Variants in MGST2 observed in about 807,000 individuals in gnomAD.
MGST2 encodes microsomal glutathione S-transferase 2.
In MGST2, 9 loss-of-function variants were observed where a neutral mutation model predicts 16.6. The observed-to-expected ratio is 0.54, with a 90% CI of 0.33 to 0.95. The LOEUF is 0.95. Among genes scored for constraint, MGST2 ranks in the 40% least tolerant of loss-of-function variants. The pLI, the probability that MGST2 is intolerant of heterozygous loss-of-function variation, is 0.03. For missense variants in MGST2, 159 were observed against 175.1 expected (o/e 0.91, Z 0.52); for synonymous variants, 79 against 68.0 (o/e 1.16, Z -0.79).
At chr4:139,699,000 A>G (rs1360104741) in intron 3 of MGST2, among the ~76,000 whole-genome samples, 1 of 152,184 alleles carries the variant, frequency 6.6e-6, no homozygotes, top group Non-Finnish European at 1.5e-5. Flanking sequence ...ACTAGTAGCA[A>G]TCTGTATGGG....
At chr4:139,678,900 G>T (rs369733481) in intron 2 of MGST2, 1 of 548,574 alleles carries the variant, frequency 1.8e-6, no homozygotes, top group Non-Finnish European at 3.3e-6. Flanking sequence ...AGGGACTGCT[G>T]TGTCTCCCAA....
intron 2 of MGST2, among the ~76,000 whole-genome samples, chr4:139,683,745 C>G (rs1400698115): frequency 3.3e-5 from 5 of 151,876 alleles, no homozygotes; most frequent in Admixed American, 2.6e-4. Context: ...AAGACATACC[C>G]GAGACTGAGC....
At chr4:139,700,457 C>G (rs952767865) in intron 3 of MGST2, among the ~76,000 whole-genome samples, 1 of 152,136 alleles carries the variant, frequency 6.6e-6, no homozygotes, top group Non-Finnish European at 1.5e-5. Flanking sequence ...AAGTTTTATG[C>G]ATACATTGTC....
chr4:139,723,236 T>C (rs1231633156), intron 5 of MGST2, among the ~76,000 whole-genome samples: 9 of 152,244 alleles, frequency 5.9e-5, no homozygotes, highest in Non-Finnish European at 1.3e-4. Context: ...TCTATTTATA[T>C]AGAAACAAAA....
At chr4:139,749,078 A>T in the MGST2 span, among the ~76,000 whole-genome samples, 1 of 152,240 alleles carries the variant, frequency 6.6e-6, no homozygotes, top group South Asian at 2.1e-4. Flanking sequence ...AACAGAGCTC[A>T]AATGGAAAAA....
chr4:139,730,688 G>T (rs780201911), intron 5 of MGST2: 1 of 1,599,156 alleles, frequency 6.3e-7, no homozygotes, highest in Non-Finnish European at 8.5e-7. Context: ...AAGAGAGAGG[G>T]AGATGCAGGG....
intron 3 of MGST2, chr4:139,698,495 T>A: frequency 2.5e-6 from 3 of 1,184,528 alleles, no homozygotes; most frequent in Non-Finnish European, 2.5e-6. Flanking sequence ...TTGTAGCCAG[T>A]TGCTTCCTGG....
intron 3 of MGST2, among the ~76,000 whole-genome samples, chr4:139,702,546 ACT>A (rs1727305844): frequency 6.6e-6 from 1 of 151,750 alleles, no homozygotes; most frequent in Non-Finnish European, 1.5e-5. Context: ...AATTGAATAG[ACT>A]CTATCACAGC....
intron 1 of MGST2, among the ~76,000 whole-genome samples, chr4:139,672,517 C>G (rs1278431822): frequency 6.6e-6 from 1 of 152,026 alleles, no homozygotes; most frequent in East Asian, 1.9e-4. Context: ...TCCTTCTCCT[C>G]ACTCTGCTCT....
downstream of MGST2, among the ~76,000 whole-genome samples, chr4:139,707,676 T>C (rs1478703712): frequency 1.3e-5 from 2 of 150,208 alleles, no homozygotes; most frequent in East Asian, 3.9e-4. Context: ...CCACCAACAG[T>C]GTAAAAGTGT....
chr4:139,716,934 T>G (rs1440804207), intron 5 of MGST2: 1 of 152,594 alleles, frequency 6.6e-6, no homozygotes, highest in East Asian at 1.9e-4. Context: ...TTGCCAGAGG[T>G]CATACAGTAC....
intron 5 of MGST2, chr4:139,719,065 C>G (rs746170794): frequency 9.2e-5 from 42 of 454,298 alleles, no homozygotes; most frequent in Middle Eastern, 5.8e-4. Flanking sequence ...ATCTTCCCAC[C>G]TGCTCCTCCG....
At chr4:139,700,019 G>A (rs985676455) in intron 3 of MGST2, among the ~76,000 whole-genome samples, 3 of 151,788 alleles carry the variant, frequency 2.0e-5, no homozygotes, top group African/African-American at 7.3e-5. Context: ...GTGACAGAGT[G>A]AGACCCTGTC....
chr4:139,694,336 T>G (rs1726793879), intron 2 of MGST2, among the ~76,000 whole-genome samples: 1 of 151,996 alleles, frequency 6.6e-6, no homozygotes, highest in Admixed American at 6.6e-5. Flanking sequence ...AGGAAAGATA[T>G]GGGGTCATTT....
chr4:139,666,145 C>G lies in MGST2; in HGVS notation c.58+68C>G, dbSNP rs1200863251. On this transcript the variant is annotated intron_variant, in intron 1 of 4. Transcript: ENST00000265498. ...GTGTGTGTGTGTGTGACAAGGCTTGCGGGAGAGAGAGGGAGGGAGGGAGAT... is the reference window on the plus strand; with the variant it reads ...GTGTGTGTGTGTGTGACAAGGCTTGGGGGAGAGAGAGGGAGGGAGGGAGAT... 4 of 1,495,624 alleles carry G rather than the reference C, an allele frequency of 2.7e-6. No homozygotes were observed. The African/African-American group carries it at 4.2e-5, about 16-fold the overall frequency. 92.6% of individuals were successfully genotyped at this position (1,495,624 alleles called of 1,614,324 possible).
intron 5 of MGST2, chr4:139,719,112 G>A (rs763433489): frequency 5.2e-5 from 29 of 558,714 alleles, no homozygotes; most frequent in South Asian, 2.5e-4. Context: ...TCTGCATGGC[G>A]TCTCATCTCG....
chr4:139,736,079 C>G (rs773720372), intron 5 of MGST2, among the ~76,000 whole-genome samples: 26 of 151,974 alleles, frequency 1.7e-4, no homozygotes, highest in Non-Finnish European at 2.9e-5. Flanking sequence ...AAAAGGATGC[C>G]CCAGAAAACC....
intron 1 of MGST2, among the ~76,000 whole-genome samples, chr4:139,676,567 T>C (rs1309588734): frequency 6.6e-6 from 1 of 152,170 alleles, no homozygotes; most frequent in Non-Finnish European, 1.5e-5. Context: ...ACTGATTGGA[T>C]GAGGCCCACC....
intron 2 of MGST2, 68 bp from the exon 3 acceptor site, chr4:139,695,129 A>G (rs546595758): frequency 1.8e-6 from 2 of 1,123,770 alleles, no homozygotes; most frequent in East Asian, 4.7e-5. Context: ...TTACCTCTAG[A>G]TGAAAAATCA....
Sources: allele counts gnomAD v4.1 joint callset (sites outside exome capture counted in the v4.1 genomes callset), GRCh38; gene constraint gnomAD v4.1.1; transcripts MANE v1.5; gene names NCBI Gene and HGNC (gene_info 2026-07-23, HGNC 2026-07-21).